Variants in CD163L1 observed in about 807,000 individuals in gnomAD.
The protein encoded by CD163L1 is CD163 molecule like 1, also known as scavenger receptor cysteine-rich type 1 protein M160.
CD163L1 carries 124 observed loss-of-function variants against 165.4 expected under a neutral mutation model. The observed-to-expected ratio is 0.75, with a 90% CI of 0.65 to 0.87. The LOEUF is 0.87. Among genes scored for constraint, CD163L1 ranks in the 40% least tolerant of loss-of-function variants. The pLI, the probability that CD163L1 is intolerant of heterozygous loss-of-function variation, is 0.00. For missense variants in CD163L1, 1,525 were observed against 1,799.9 expected (o/e 0.85, Z 2.76); for synonymous variants, 585 against 662.2 (o/e 0.88, Z 1.79).
the CD163L1 span, chr12:7,320,915 C>A: frequency 1.1e-6 from 1 of 945,010 alleles, no homozygotes; most frequent in Non-Finnish European, 1.7e-6. Flanking sequence ...CTTACCACCA[C>A]TGACATTTTG....
chr12:7,357,685 A>G, intron 18 of CD163L1, 199 bp from the exon 19 acceptor site: 1 of 370,410 alleles, frequency 2.7e-6, no homozygotes, highest in Non-Finnish European at 4.9e-6. Flanking sequence ...ATTAAGTGTT[A>G]CCAAAACAAA....
downstream of CD163L1, among the ~76,000 whole-genome samples, chr12:7,346,325 T>C (rs1946669995): frequency 1.3e-5 from 2 of 152,190 alleles, no homozygotes; most frequent in Admixed American, 1.3e-4. Flanking sequence ...TTTATTAATT[T>C]GTATTGATTC....
chr12:7,407,326 C>A (rs1948045226), intron 4 of CD163L1, among the ~76,000 whole-genome samples: 1 of 152,064 alleles, frequency 6.6e-6, no homozygotes, highest in Admixed American at 6.6e-5. Flanking sequence ...GAACATTTAA[C>A]TCCAACTTCT....
the CD163L1 span, among the ~76,000 whole-genome samples, chr12:7,319,214 A>G: frequency 6.6e-6 from 1 of 152,162 alleles, no homozygotes; most frequent in African/African-American, 2.4e-5. Context: ...TCACATGCAC[A>G]GTTCACAATA....
intron 18 of CD163L1, among the ~76,000 whole-genome samples, chr12:7,363,562 A>G (rs953230512): frequency 1.3e-5 from 2 of 152,020 alleles, no homozygotes; most frequent in Non-Finnish European, 2.9e-5. Context: ...AGAAAACTCA[A>G]ATAAATAAAA....
the CD163L1 span, chr12:7,324,701 C>A: frequency 2.3e-6 from 3 of 1,297,210 alleles, no homozygotes; most frequent in South Asian, 2.7e-5. Context: ...TATTAATTCT[C>A]GTTATGAAGC....
chr12:7,362,734 A>G (rs1322139247), intron 18 of CD163L1, among the ~76,000 whole-genome samples: 3 of 147,976 alleles, frequency 2.0e-5, no homozygotes, highest in Non-Finnish European at 4.5e-5. Context: ...TATATAACAT[A>G]ATGGTAAAAG....
At chr12:7,373,721 T>A in intron 13 of CD163L1, 81 bp from the exon 14 acceptor site, 1 of 1,211,402 alleles carries the variant, frequency 8.3e-7, no homozygotes, top group Non-Finnish European at 1.2e-6. Flanking sequence ...ATTTTTCCCA[T>A]GGAAATAATA....
Position 7,398,789 on chromosome 12 carries a change from G to A in CD163L1, c.1409-205C>T, listed in dbSNP as rs1013150167. 6.6e-6 allele frequency among the ~76,000 whole-genome samples: 1 copy of A among 152,110 alleles called. No homozygotes were observed. Among genetic ancestry groups the A allele is most frequent in the Non-Finnish European group, 1.5e-5 (1 of 68,022 alleles). ...AGAAGGTGTCTCTAAAGCATGAAAC[G>A]ACGACAGCAAATTTACTGAAGTAAA... On this transcript the variant is annotated intron_variant, in intron 6 of 19. Transcript: ENST00000313599. The surrounding 1 kb of genome is among the most constrained non-coding windows in gnomAD (Gnocchi z 4.5).
chr12:7,344,355 A>C (rs922466384), downstream of CD163L1, among the ~76,000 whole-genome samples: 1 of 152,146 alleles, frequency 6.6e-6, no homozygotes, highest in East Asian at 1.9e-4. Flanking sequence ...CCCAAAGTGC[A>C]GGAATTACAG....
the CD163L1 span, among the ~76,000 whole-genome samples, chr12:7,332,963 G>T: frequency 2.0e-5 from 3 of 152,136 alleles, no homozygotes; most frequent in African/African-American, 7.2e-5. Flanking sequence ...TGGGCTAAAT[G>T]CTCCAGTTAA....
At chr12:7,437,823 TATA>T (rs1228007019) in intron 2 of CD163L1, among the ~76,000 whole-genome samples, 16 of 151,774 alleles carry the variant, frequency 1.1e-4, no homozygotes, top group Admixed American at 3.9e-4. Context: ...CAGTCAACCA[TATA>T]ATAATTCACA....
At chr12:7,407,154 A>C (rs1467083107) in intron 4 of CD163L1, among the ~76,000 whole-genome samples, 1 of 152,184 alleles carries the variant, frequency 6.6e-6, no homozygotes, top group Non-Finnish European at 1.5e-5. Context: ...TCAATAATGC[A>C]TGTAAATTTA....
intron 2 of CD163L1, 99 bp from the exon 3 acceptor site, chr12:7,433,793 T>A: frequency 1.1e-6 from 1 of 905,510 alleles, no homozygotes; most frequent in African/African-American, 1.7e-5. Context: ...AGTTTAAATG[T>A]TGTTATTAGA....
chr12:7,398,696 T>C lies in CD163L1; in HGVS notation c.1409-112A>G. The C allele has an allele frequency of 1.2e-6, 1 of 816,524 alleles. No homozygotes were observed. Among genetic ancestry groups the C allele is most frequent in the Non-Finnish European group, 1.8e-6 (1 of 566,468 alleles). The allele number at this position is 816,524 out of a possible 1,614,324, so 50.6% of individuals were successfully genotyped here. A position where few individuals can be genotyped will look rare whatever the true frequency, so the allele number is the denominator to read the frequency against. On this transcript the variant is annotated intron_variant, in intron 6 of 19. Transcript: ENST00000313599. This position sits in a 1 kb window ranked among gnomAD's most constrained non-coding sequence, Gnocchi z 4.5. ...AAGGCTTTGCCTAACAGGTGATATA[T>C]TAGGCACACTTTTGAATGAAAAGTT...
At chr12:7,378,561 T>C (rs779446751) in intron 9 of CD163L1, among the ~76,000 whole-genome samples, 16 of 152,322 alleles carry the variant, frequency 1.1e-4, no homozygotes, top group East Asian at 5.8e-4. Context: ...CTTTCAACCA[T>C]CTTTTAGTTC....
At position 7,347,919 on chromosome 12, in the gene CD163L1, C is replaced by T. The variant is rs1413926647; in HGVS notation, c.*25-772G>A. Among the ~76,000 whole-genome samples the T allele has an allele frequency of 6.6e-6, 1 of 152,198 alleles. No individual in the cohort carries two copies. The highest frequency in any genetic ancestry group is 1.5e-5 in the Non-Finnish European group (1 of 68,036). On this transcript the variant is annotated intron_variant, in intron 4 of 4. Coordinates refer to the CD163L1 transcript ENST00000539726. The surrounding 1 kb of genome is among the most constrained non-coding windows in gnomAD (Gnocchi z 4.2). ...GCATTGAACTATTATTGAGTTTCCA[C>T]ATGAGCTTCACATGTCATTCAAATG...
At chr12:7,438,910 C>G (rs1297905447) in intron 2 of CD163L1, 1 of 1,601,892 alleles carries the variant, frequency 6.2e-7, no homozygotes, top group Non-Finnish European at 8.6e-7. Flanking sequence ...GATTCCTCTG[C>G]TTTTTAGGCA....
At chr12:7,399,844 A>C (rs1591927672) in intron 6 of CD163L1, among the ~76,000 whole-genome samples, 1 of 152,164 alleles carries the variant, frequency 6.6e-6, no homozygotes, top group East Asian at 1.9e-4. Flanking sequence ...ACCTCCTTTC[A>C]GCCTCCCAAA....
Sources: allele counts gnomAD v4.1 joint callset (sites outside exome capture counted in the v4.1 genomes callset), GRCh38; gene constraint gnomAD v4.1.1; non-coding constraint Gnocchi (gnomAD v3.1); transcripts MANE v1.5; gene names NCBI Gene and HGNC (gene_info 2026-07-23, HGNC 2026-07-21).